The following JCAD variants were observed in gnomAD, a reference collection of about 807,000 sequenced individuals.
The protein encoded by JCAD is junctional cadherin 5 associated.
A neutral mutation model predicts 98.0 loss-of-function variants in JCAD; 40 were observed. The observed-to-expected ratio is 0.41, with a 90% CI of 0.32 to 0.53. The LOEUF is 0.53. Ranked by LOEUF, JCAD falls within the 20% of genes least tolerant of loss-of-function variation. The pLI, the probability that JCAD is intolerant of heterozygous loss-of-function variation, is 0.31. For missense variants in JCAD, 1,705 were observed against 1,738.1 expected (o/e 0.98, Z 0.34); for synonymous variants, 691 against 682.3 (o/e 1.01, Z -0.20).
At chr10:30,110,955 A>G (rs1339821002) in intron 1 of JCAD, among the ~76,000 whole-genome samples, 2 of 151,724 alleles carry the variant, frequency 1.3e-5, no homozygotes, top group African/African-American at 2.4e-5. Context: ...TGATGTATGG[A>G]CCCCCTGATG....
upstream of JCAD, among the ~76,000 whole-genome samples, chr10:30,063,689 A>T (rs1163082807): frequency 2.0e-5 from 3 of 152,188 alleles, no homozygotes; most frequent in African/African-American, 7.2e-5. Context: ...TGATGCTTGT[A>T]TACATTCTGT....
chr10:30,018,957 C>T (rs547023101), intron 3 of JCAD, among the ~76,000 whole-genome samples: 1 of 152,318 alleles, frequency 6.6e-6, no homozygotes, highest in South Asian at 2.1e-4. Context: ...GATATCTGCA[C>T]TGCAGCATTA....
upstream of JCAD, among the ~76,000 whole-genome samples, chr10:30,060,391 G>A (rs1341163037): frequency 6.6e-6 from 1 of 152,136 alleles, no homozygotes; most frequent in African/African-American, 2.4e-5. Context: ...GGGTCATTTG[G>A]GTAACCCCAA....
chr10:30,066,628 A>G (rs1029283009), intron 2 of JCAD, among the ~76,000 whole-genome samples: 1 of 152,218 alleles, frequency 6.6e-6, no homozygotes, highest in African/African-American at 2.4e-5. Context: ...AGAGTGGTCC[A>G]GACGTGGGCA....
chr10:30,086,755 C>G (rs886847558), intron 1 of JCAD, among the ~76,000 whole-genome samples: 2 of 152,228 alleles, frequency 1.3e-5, no homozygotes, highest in Non-Finnish European at 2.9e-5. Flanking sequence ...TCTTTCCAAT[C>G]TGATGCATGT....
intron 2 of JCAD, among the ~76,000 whole-genome samples, chr10:30,032,044 G>A (rs186320650): frequency 3.3e-4 from 51 of 152,268 alleles, no homozygotes; most frequent in African/African-American, 1.0e-3. Context: ...GTGAGCCACC[G>A]CGCCCGGCTC....
rs188108643 is a variant in JCAD at position 30,077,264 on chromosome 10, C to A, written n.129-7443G>T. 1.1e-4 allele frequency among the ~76,000 whole-genome samples: 17 copies of A among 152,160 alleles called. No individual in the cohort carries two copies. In the East Asian group the frequency reaches 3.3e-3, roughly 29 times the overall value. On this transcript the variant is annotated intron_variant and non_coding_transcript_variant, in intron 1 of 2. Transcript: ENST00000465712. ...AGCAAATAGAATCAAATAGAATTGG[C>A]CTTTCTATCCTTTTTTGTTGTTTGT...
intron 1 of JCAD, among the ~76,000 whole-genome samples, chr10:30,099,501 T>C (rs1266210908): frequency 6.6e-6 from 1 of 152,152 alleles, no homozygotes; most frequent in Admixed American, 6.5e-5. Context: ...TGTGAAGCAC[T>C]TATTATGTTC....
intron 2 of JCAD, among the ~76,000 whole-genome samples, chr10:30,032,035 T>TTTA (rs1429167398): frequency 6.6e-6 from 1 of 152,214 alleles, no homozygotes; most frequent in Non-Finnish European, 1.5e-5. Flanking sequence ...ATTACAGGCG[T>TTTA]GAGCCACCGC....
chr10:30,084,021 G>T (rs536433493), intron 1 of JCAD, among the ~76,000 whole-genome samples: 1 of 146,064 alleles, frequency 6.8e-6, no homozygotes, highest in African/African-American at 2.5e-5. Context: ...ATGAAAAAAA[G>T]AAAGAAAGAG....
upstream of JCAD, among the ~76,000 whole-genome samples, chr10:30,059,994 ACACT>A (rs1223201539): frequency 1.3e-5 from 2 of 152,104 alleles, no homozygotes; most frequent in African/African-American, 2.4e-5. This position sits in a 1 kb window ranked among gnomAD's most constrained non-coding sequence, Gnocchi z 5.0. Flanking sequence ...AAGTGCACAC[ACACT>A]CAAATACAGT....
chr10:30,069,655 C>G (rs2132669768), intron 2 of JCAD: 1 of 144,684 alleles, frequency 6.9e-6, no homozygotes, highest in Non-Finnish European at 1.5e-5. Context: ...TAAAATCCAC[C>G]ACAACCCCAT....
At chr10:30,068,817 TGTG>T (rs1837831535) in intron 2 of JCAD, among the ~76,000 whole-genome samples, 1 of 152,228 alleles carries the variant, frequency 6.6e-6, no homozygotes, top group Admixed American at 6.5e-5. Flanking sequence ...TAGGGATAAC[TGTG>T]TCCCAAAGCC....
At chr10:30,052,767 C>T (rs999779344) in intron 1 of JCAD, among the ~76,000 whole-genome samples, 3 of 152,188 alleles carry the variant, frequency 2.0e-5, no homozygotes, top group African/African-American at 7.2e-5. Flanking sequence ...CCTTGCGATG[C>T]TATGGTCTAG....
chr10:30,021,191 T>C (rs2014144), intron 3 of JCAD, among the ~76,000 whole-genome samples: 85,335 of 152,116 alleles, frequency 0.56, 26,490 homozygotes, highest in African/African-American at 0.85. Flanking sequence ...AAAATTATAA[T>C]GTGGGCCACA....
intron 2 of JCAD, among the ~76,000 whole-genome samples, chr10:30,041,278 C>T (rs571228396): frequency 5.9e-5 from 9 of 152,176 alleles, no homozygotes; most frequent in African/African-American, 2.2e-4. Flanking sequence ...ATGAGCATGC[C>T]AGCCCTCAAG....
chr10:30,032,206 C>T (rs939718610), intron 2 of JCAD, among the ~76,000 whole-genome samples: 1 of 152,136 alleles, frequency 6.6e-6, no homozygotes, highest in Non-Finnish European at 1.5e-5. Context: ...GTATCAAATG[C>T]AGGGTGTTGT....
intron 1 of JCAD, among the ~76,000 whole-genome samples, chr10:30,057,144 C>T (rs1244782687): frequency 1.3e-5 from 2 of 152,062 alleles, no homozygotes; most frequent in African/African-American, 4.8e-5. Flanking sequence ...TGTTTCACTC[C>T]AACGCTCTGT....
intron 3 of JCAD, among the ~76,000 whole-genome samples, chr10:30,018,691 A>G (rs1291510201): frequency 6.6e-6 from 1 of 152,146 alleles, no homozygotes; most frequent in Non-Finnish European, 1.5e-5. Context: ...ACAACCTCCA[A>G]TTCACAGATG....
Sources: allele counts gnomAD v4.1 joint callset (sites outside exome capture counted in the v4.1 genomes callset), GRCh38; gene constraint gnomAD v4.1.1; non-coding constraint Gnocchi (gnomAD v3.1); transcripts MANE v1.5; gene names NCBI Gene and HGNC (gene_info 2026-07-23, HGNC 2026-07-21).